The following EGFL6 variants were observed in gnomAD, a reference collection of about 807,000 sequenced individuals.
EGFL6 encodes epidermal growth factor-like protein 6.
A neutral mutation model predicts 43.1 loss-of-function variants in EGFL6; 42 were observed. That is an observed-to-expected ratio of 0.98 (90% CI 0.76 to 1.26). EGFL6 has a LOEUF of 1.26. Ranked by LOEUF, EGFL6 falls within the 50% of genes most tolerant of loss-of-function variation. The pLI is 0.00. For synonymous variants in EGFL6, 164 were observed against 163.2 expected (o/e 1.01, Z -0.04); for missense variants, 429 against 427.8 (o/e 1.00, Z -0.02).
chrX:13,632,960 T>G, intron 11 of EGFL6, 25 bp from the exon 12 acceptor site: 2 of 1,186,013 alleles, frequency 1.7e-6, no homozygotes, highest in East Asian at 3.0e-5. Context: ...TTGGAGTAAT[T>G]TTTTTATTCT....
intron 3 of EGFL6, among the ~76,000 whole-genome samples, chrX:13,598,786 A>G (rs1441659435): frequency 9.5e-6 from 1 of 104,897 alleles, no homozygotes; most frequent in African/African-American, 3.4e-5. Context: ...CGTCATATGT[A>G]TATATTTCAT....
chrX:13,608,456 A>C lies in EGFL6; in HGVS notation c.778+10A>C, dbSNP rs761478873. On this transcript the variant is annotated intron_variant, in intron 7 of 11. Coordinates refer to ENST00000361306, the MANE Select transcript of EGFL6 (RefSeq NM_015507.4). The stretch of plus-strand genomic sequence containing the variant: ...GGACTTCGGTGTTCTGGTAAGTAGC[A>C]TTTGGTCATGGTGTCTTAGCTATTC... 8.3e-7 allele frequency: 1 copy of C among 1,208,926 alleles called. No individual in the cohort carries two copies. The highest frequency in any genetic ancestry group is 2.2e-5 in the Admixed American group (1 of 45,930).
chrX:13,579,117 CA>C (rs1233125323), intron 1 of EGFL6, among the ~76,000 whole-genome samples: 7 of 109,978 alleles, frequency 6.4e-5, no homozygotes, highest in Non-Finnish European at 1.3e-4. Flanking sequence ...ATTTTAGGTT[CA>C]GGGGTACCTG....
rs17256423 is a variant in EGFL6, at chrX:13,594,942, C to T, written c.280+14C>T. ...CCTGCAGTCAAGGTCAGTAAGGTAG[C>T]CCAGGGTCATAGTTCAAATTCAATC... On this transcript the variant is annotated intron_variant, in intron 3 of 11. Coordinates refer to ENST00000361306, the MANE Select transcript of EGFL6 (RefSeq NM_015507.4). The T allele has an allele frequency of 0.094, 109,256 of 1,164,926 alleles. 4,024 individuals are homozygous for T. Among genetic ancestry groups the T allele is most frequent in the Non-Finnish European group, 0.11 (94,922 of 857,346 alleles).
chrX:13,628,707 C>T (rs1442886581), intron 11 of EGFL6, among the ~76,000 whole-genome samples: 9 of 111,179 alleles, frequency 8.1e-5, no homozygotes, highest in Non-Finnish European at 1.5e-4. Flanking sequence ...CTCAGAAGGC[C>T]GAGTCAGGAG....
intron 4 of EGFL6, among the ~76,000 whole-genome samples, chrX:13,602,260 C>T (rs761142839): frequency 1.8e-5 from 2 of 111,214 alleles, no homozygotes; most frequent in Admixed American, 9.6e-5. Context: ...GGAGGGAGTA[C>T]ATTCACCATG....
intron 1 of EGFL6, among the ~76,000 whole-genome samples, chrX:13,578,535 T>C (rs1354290953): frequency 6.3e-4 from 68 of 108,135 alleles, no homozygotes; most frequent in Admixed American, 1.2e-3. Context: ...AAGCCAAATG[T>C]CCAACAATGA....
chrX:13,615,456 C>G lies in EGFL6; in HGVS notation c.779-2274C>G, dbSNP rs559796842. ...GGGGTTTCCTGTTAATTTTTCTTGC[C>G]AGGTGCTGGAGAAAGATGCAGTCGA... is the stretch of plus-strand genomic sequence containing the variant. On this transcript the variant is annotated intron_variant, in intron 7 of 11. Transcript: ENST00000361306. Among the ~76,000 whole-genome samples, 5 of 111,604 alleles carry G rather than the reference C, an allele frequency of 4.5e-5. No homozygotes were observed. In the South Asian group the frequency reaches 1.9e-3, roughly 42 times the overall value.
At chrX:13,589,457 A>T (rs2045551068) in intron 1 of EGFL6, 99 bp from the exon 2 acceptor site, 2 of 698,804 alleles carry the variant, frequency 2.9e-6, no homozygotes, top group Non-Finnish European at 4.0e-6. Context: ...CGTTGAAATT[A>T]ACCAGGTAAT....
chrX:13,596,425 G>A (rs191655000), intron 3 of EGFL6: 2 of 112,090 alleles, frequency 1.8e-5, no homozygotes, highest in Admixed American at 1.9e-4. Flanking sequence ...TCAGTCAAGG[G>A]TATATTAGCT....
At position 13,632,958 on chromosome X, in the gene EGFL6, AT is replaced by A. The variant is rs766133865; in HGVS notation, c.1552-20del. 3.9e-5 allele frequency: 46 copies of A among 1,180,526 alleles called. No homozygotes were observed. In the South Asian group the frequency reaches 7.9e-4, roughly 20 times the overall value. ...TCATTGTTTTGAACAGTTTGGAGTA[AT>A]TTTTTTATTCTCTCTCCATTATTAG... is the stretch of plus-strand genomic sequence containing the variant. On this transcript the variant is annotated intron_variant, in intron 11 of 11. Coordinates refer to ENST00000361306, the MANE Select transcript of EGFL6 (RefSeq NM_015507.4).
Position 13,623,882 on chromosome X carries a change from T to A in EGFL6, c.1242T>A (p.Asp414Glu). ...FNHGICDWKQ[D>E]REDDFDWNPA... ...ATGGGATCTGTGACTGGAAACAGGA[T>A]AGAGAAGATGATTTTGACTGGAATC... The change falls in exon 10 of 12, where the codon GAT becomes GAA. Residue 414 changes from aspartate to glutamate, a missense_variant. Coordinates refer to ENST00000361306, the MANE Select transcript of EGFL6 (RefSeq NM_015507.4). The A allele has an allele frequency of 8.3e-7, 1 of 1,208,929 alleles. No homozygotes were observed. The highest frequency in any genetic ancestry group is 1.1e-6 in the Non-Finnish European group (1 of 893,054).
chrX:13,632,638 G>T (rs1034556445), intron 11 of EGFL6, among the ~76,000 whole-genome samples: 24 of 111,216 alleles, frequency 2.2e-4, no homozygotes, highest in African/African-American at 6.9e-4. Context: ...TGTTCAAGGG[G>T]AATATCAAAT....
chrX:13,570,030 G>C, intron 1 of EGFL6, 95 bp downstream of exon 1: 1 of 821,991 alleles, frequency 1.2e-6, no homozygotes, highest in Non-Finnish European at 1.8e-6. Context: ...GCGTGTATGG[G>C]TGTGAGTGTG....
intron 4 of EGFL6, among the ~76,000 whole-genome samples, chrX:13,602,641 C>G (rs1341569420): frequency 8.9e-6 from 1 of 111,734 alleles, no homozygotes; most frequent in Non-Finnish European, 1.9e-5. Context: ...ATGCCTGTCT[C>G]TTTTTATCAT....
intron 11 of EGFL6, among the ~76,000 whole-genome samples, chrX:13,632,301 T>G (rs1196817244): frequency 4.2e-5 from 4 of 94,743 alleles, no homozygotes; most frequent in Non-Finnish European, 6.4e-5. Context: ...TTTTTGGTTT[T>G]TTTTTTTTTT....
intron 2 of EGFL6, among the ~76,000 whole-genome samples, chrX:13,591,122 C>T (rs2045560688): frequency 8.9e-6 from 1 of 111,905 alleles, no homozygotes. Flanking sequence ...CAGGAAGGAC[C>T]AATAATTCTC....
intron 3 of EGFL6, among the ~76,000 whole-genome samples, chrX:13,597,479 G>T (rs1468581304): frequency 5.4e-5 from 6 of 111,996 alleles, no homozygotes; most frequent in African/African-American, 1.6e-4. Flanking sequence ...CTTGAGAGAG[G>T]TGCTTCAAGA....
intron 7 of EGFL6, among the ~76,000 whole-genome samples, chrX:13,616,859 ATTT>A (rs773399610): frequency 1.1e-5 from 1 of 88,976 alleles, no homozygotes. Context: ...CTAGAGGTAC[ATTT>A]TTTTTTTTTT....
Sources: allele counts gnomAD v4.1 joint callset (sites outside exome capture counted in the v4.1 genomes callset), GRCh38; gene constraint gnomAD v4.1.1; transcripts MANE v1.5; gene names NCBI Gene and HGNC (gene_info 2026-07-23, HGNC 2026-07-21).